Variants in MLLT3 observed in about 807,000 individuals in gnomAD.
MLLT3 encodes the protein MLLT3 super elongation complex subunit.
In MLLT3, 4 loss-of-function variants were observed where a neutral mutation model predicts 53.2. The observed-to-expected ratio is 0.08, with a 90% CI of 0.04 to 0.17. MLLT3 has a LOEUF of 0.17. Among genes scored for constraint, MLLT3 ranks in the 10% least tolerant of loss-of-function variants. MLLT3 has a pLI of 1.00. For missense variants in MLLT3, 569 were observed against 684.0 expected (o/e 0.83, Z 1.87); for synonymous variants, 283 against 230.6 (o/e 1.23, Z -2.06).
chr9:20,541,500 A>C (rs887794621), intron 2 of MLLT3, among the ~76,000 whole-genome samples: 10 of 152,210 alleles, frequency 6.6e-5, no homozygotes, highest in Non-Finnish European at 1.3e-4. Context: ...GAGAGAAGCA[A>C]GGCACATCTC....
chr9:20,512,019 C>T (rs753459714), intron 2 of MLLT3, among the ~76,000 whole-genome samples: 1 of 152,020 alleles, frequency 6.6e-6, no homozygotes, highest in Non-Finnish European at 1.5e-5. Context: ...CTTGCTGGAG[C>T]AATAAAAAGA....
chr9:20,574,965 T>C (rs1341190441), intron 2 of MLLT3, among the ~76,000 whole-genome samples: 1 of 152,226 alleles, frequency 6.6e-6, no homozygotes, highest in Non-Finnish European at 1.5e-5. Context: ...TCAAAGCGTC[T>C]TCACCAGGAA....
chr9:20,421,341 A>G (rs1166371077), intron 4 of MLLT3, among the ~76,000 whole-genome samples: 1 of 152,136 alleles, frequency 6.6e-6, no homozygotes, highest in African/African-American at 2.4e-5. Context: ...CATATAAAAA[A>G]AACTCTGGAG....
chr9:20,555,722 C>A (rs1016561237), intron 2 of MLLT3, among the ~76,000 whole-genome samples: 1 of 152,152 alleles, frequency 6.6e-6, no homozygotes, highest in African/African-American at 2.4e-5. Context: ...AGGCACACTG[C>A]CCACGATTAT....
At chr9:20,434,616 G>T (rs916845189) in intron 4 of MLLT3, among the ~76,000 whole-genome samples, 1 of 152,140 alleles carries the variant, frequency 6.6e-6, no homozygotes, top group Non-Finnish European at 1.5e-5. Context: ...AAGAGGAATC[G>T]AAATGCCATC....
chr9:20,541,167 C>T (rs1818620327), intron 2 of MLLT3, among the ~76,000 whole-genome samples: 1 of 152,214 alleles, frequency 6.6e-6, no homozygotes. Context: ...CTGGACTTCA[C>T]TGTCCATATC....
At chr9:20,350,346 A>T (rs1402554743) in intron 10 of MLLT3, among the ~76,000 whole-genome samples, 1 of 152,202 alleles carries the variant, frequency 6.6e-6, no homozygotes, top group Non-Finnish European at 1.5e-5. Flanking sequence ...CTGTAATCCC[A>T]GCACTTTGGG....
Position 20,621,726 on chromosome 9 carries a change from C to T in MLLT3, c.12+519G>A. The T allele has an allele frequency of 6.7e-7, 1 of 1,482,436 alleles. No individual in the cohort carries two copies. The highest frequency in any genetic ancestry group is 2.9e-5 in the East Asian group (1 of 34,874). The allele number at this position is 1,482,436 out of a possible 1,614,324, so 91.8% of individuals were successfully genotyped here. On this transcript the variant is annotated intron_variant, in intron 1 of 10. Transcript: ENST00000380338. This position sits in a 1 kb window ranked among gnomAD's most constrained non-coding sequence, Gnocchi z 7.0. ...AAGTTGCGTGCGGCCCCGCCGCTGT[C>T]AGCCCCGCACACTTCGGCTCACACA...
At chr9:20,479,746 A>G (rs781077685) in intron 2 of MLLT3, among the ~76,000 whole-genome samples, 1 of 152,238 alleles carries the variant, frequency 6.6e-6, no homozygotes, top group Non-Finnish European at 1.5e-5. Flanking sequence ...TATTCTATAC[A>G]TAATAAAAAT....
At chr9:20,524,095 A>G (rs554843860) in intron 2 of MLLT3, among the ~76,000 whole-genome samples, 2 of 152,220 alleles carry the variant, frequency 1.3e-5, no homozygotes, top group Non-Finnish European at 2.9e-5. Context: ...AAACTGCTCT[A>G]TGTGATTCTA....
intron 2 of MLLT3, among the ~76,000 whole-genome samples, chr9:20,498,154 G>A (rs1254490452): frequency 6.7e-6 from 1 of 149,038 alleles, no homozygotes; most frequent in Admixed American, 6.7e-5. Flanking sequence ...CCTGGGAGGT[G>A]GAGGCAGAGG....
intron 5 of MLLT3, among the ~76,000 whole-genome samples, chr9:20,379,633 C>T (rs370781065): frequency 3.9e-5 from 6 of 152,030 alleles, no homozygotes; most frequent in Admixed American, 3.9e-4. Context: ...TTAAGAATTA[C>T]AAACTTTAGG....
intron 2 of MLLT3, among the ~76,000 whole-genome samples, chr9:20,470,974 T>C (rs560618460): frequency 1.3e-5 from 2 of 152,058 alleles, no homozygotes; most frequent in African/African-American, 4.8e-5. Flanking sequence ...GAGATAACAA[T>C]AAAGGTATGA....
chr9:20,366,975 T>C (rs1821470146), intron 5 of MLLT3, among the ~76,000 whole-genome samples: 1 of 152,264 alleles, frequency 6.6e-6, no homozygotes, highest in Admixed American at 6.5e-5. Context: ...AGCCAGTTAA[T>C]TTAACTGTGG....
At chr9:20,457,368 C>T (rs928916934) in intron 2 of MLLT3, among the ~76,000 whole-genome samples, 1 of 151,386 alleles carries the variant, frequency 6.6e-6, no homozygotes, top group Non-Finnish European at 1.5e-5. Flanking sequence ...CCTGCCTCAG[C>T]CTCCCGAGTT....
At chr9:20,403,032 G>A (rs966221559) in intron 5 of MLLT3, among the ~76,000 whole-genome samples, 3 of 152,038 alleles carry the variant, frequency 2.0e-5, no homozygotes, top group African/African-American at 7.2e-5. Flanking sequence ...TTGGGAAAGT[G>A]AGTGAAGGAT....
chr9:20,497,587 T>C (rs957366160), intron 2 of MLLT3, among the ~76,000 whole-genome samples: 1 of 152,210 alleles, frequency 6.6e-6, no homozygotes, highest in African/African-American at 2.4e-5. Flanking sequence ...CTAAATGTAA[T>C]TATTTAAATT....
Position 20,359,145 on chromosome 9 carries a change from CAAAAAAAAAAAA to C in MLLT3, c.1431+1585_1431+1596del, listed in dbSNP as rs920197622. Reference sequence around the variant, plus strand: ...GGGCAACAAGAGCAAAACTCCATCTCAAAAAAAAAAAAAAAAAAAAAAAAAAAAAATCTCACC... The same window carrying C: ...GGGCAACAAGAGCAAAACTCCATCTCAAAAAAAAAAAAAAAAAATCTCACC... On this transcript the variant is annotated intron_variant, in intron 8 of 10. Transcript: ENST00000380338. Among the ~76,000 whole-genome samples the C allele has an allele frequency of 4.5e-3, 95 of 20,984 alleles. 1 individual carries two copies. Among genetic ancestry groups the C allele is most frequent in the Non-Finnish European group, 7.7e-3 (77 of 10,062 alleles). 13.8% of individuals were successfully genotyped at this position (20,984 alleles called of 152,430 possible). A position where few individuals can be genotyped will look rare whatever the true frequency, so the allele number is the denominator to read the frequency against.
At chr9:20,580,907 G>C (rs923354234) in intron 2 of MLLT3, among the ~76,000 whole-genome samples, 5 of 152,206 alleles carry the variant, frequency 3.3e-5, no homozygotes, top group African/African-American at 9.6e-5. Context: ...CACCTGAACA[G>C]AAAAGCCTCT....
Sources: allele counts gnomAD v4.1 joint callset (sites outside exome capture counted in the v4.1 genomes callset), GRCh38; gene constraint gnomAD v4.1.1; non-coding constraint Gnocchi (gnomAD v3.1); transcripts MANE v1.5; gene names NCBI Gene and HGNC (gene_info 2026-07-23, HGNC 2026-07-21).